FAM3D: variants seen among roughly 807,000 people sequenced by gnomAD.
The protein encoded by FAM3D is FAM3 metabolism regulating signaling molecule D, also known as protein FAM3D.
Under a neutral mutation model 29.8 loss-of-function variants are expected in FAM3D, and 26 were observed. The observed-to-expected ratio is 0.87, with a 90% confidence interval of 0.64 to 1.21. The LOEUF (loss-of-function observed/expected upper bound fraction) is 1.21. Ranked by LOEUF, FAM3D falls within the 50% of genes most tolerant of loss-of-function variation. The pLI is 0.00. For synonymous variants in FAM3D, 115 were observed against 102.3 expected, an observed-to-expected ratio of 1.12 and a Z score of -0.75; for missense variants, 253 against 290.9, an observed-to-expected ratio of 0.87 and a Z score of 0.95.
At chr3:58,662,608 T>TTC (rs1179163477) in intron 1 of FAM3D, among the ~76,000 whole-genome samples, 50 of 152,294 alleles carry the variant, frequency 3.3e-4, no homozygotes, top group Admixed American at 1.4e-3. Context: ...ATAAGTAGAA[T>TTC]GACTTATGTG....
At position 58,643,714 on chromosome 3, in the gene FAM3D, C is replaced by T; in HGVS notation, c.270G>A (p.Met90Ile). 1 of 1,613,970 alleles carries T rather than the reference C, an allele frequency of 6.2e-7. No individual in the cohort carries two copies. The highest frequency in any genetic ancestry group is 8.5e-7 in the Non-Finnish European group (1 of 1,180,000). The change falls in exon 6 of 10, where the codon ATG (methionine) becomes ATA (isoleucine). Residue 90 changes from methionine to isoleucine, a missense_variant. Transcript: ENST00000358781. ...PTMCFEDRMI[M>I]SPVKNNVGRG... ...TGCCCACATTGTTTTTCACAGGACT[C>T]ATGATCCTGAAGACAATGAAGAAGA...
chr3:58,637,273 T>C (rs772878525), intron 7 of FAM3D, 48 bp from the exon 8 acceptor site: 7 of 1,512,868 alleles, frequency 4.6e-6, no homozygotes, highest in Non-Finnish European at 6.3e-6. Flanking sequence ...AAATGAGCCC[T>C]GGTCATTCTC....
chr3:58,637,269 G>A (rs1223161535), intron 7 of FAM3D, 44 bp from the exon 8 acceptor site: 10 of 1,525,466 alleles, frequency 6.6e-6, no homozygotes, highest in Middle Eastern at 2.1e-4. Context: ...GGGGAAATGA[G>A]CCCTGGTCAT....
intron 1 of FAM3D, among the ~76,000 whole-genome samples, chr3:58,661,515 G>A (rs1024064586): frequency 6.6e-6 from 1 of 152,150 alleles, no homozygotes; most frequent in Non-Finnish European, 1.5e-5. Flanking sequence ...TCAGTACCTG[G>A]CACCCAGGTC....
chr3:58,640,288 T>G, intron 6 of FAM3D, 111 bp from the exon 7 acceptor site: 1 of 1,269,154 alleles, frequency 7.9e-7, no homozygotes, highest in Non-Finnish European at 1.1e-6. Flanking sequence ...AATAAGAATC[T>G]AATGAAATCA....
chr3:58,634,438 A>C lies in FAM3D; in HGVS notation c.586-70T>G. ...GTTCAGAACTCATGCCCACATGGAC[A>C]CTGTGCTCTAAACCTAAATGGGGGT... is the stretch of plus-strand genomic sequence containing the variant. On this transcript the variant is annotated intron_variant, in intron 9 of 9. Transcript: ENST00000358781. The surrounding 1 kb of genome is among the most constrained non-coding windows in gnomAD (Gnocchi z 4.6). 1.4e-6 allele frequency: 2 copies of C among 1,388,174 alleles called. No individual in the cohort carries two copies. Among genetic ancestry groups the C allele is most frequent in the Non-Finnish European group, 1.0e-6 (1 of 990,650 alleles). 86.0% of individuals were successfully genotyped at this position (1,388,174 alleles called of 1,614,324 possible). A position where few individuals can be genotyped will look rare whatever the true frequency, so the allele number is the denominator to read the frequency against.
At chr3:58,653,084 A>T (rs1488186932) in intron 3 of FAM3D, among the ~76,000 whole-genome samples, 1 of 152,218 alleles carries the variant, frequency 6.6e-6, no homozygotes, top group East Asian at 1.9e-4. Flanking sequence ...GGAAGCTCAC[A>T]TTCTAGGGTG....
rs369308544 is a variant in FAM3D at position 58,643,683 on chromosome 3, G to A, written c.301C>T (p.Leu101=). 1 of 1,613,808 alleles carries A rather than the reference G, an allele frequency of 6.2e-7. No individual in the cohort carries two copies. The highest frequency in any genetic ancestry group is 1.3e-5 in the African/African-American group (1 of 75,026). ...SPVKNNVGRG[L]NIALVNGTTG... ...TCACCATTCACCAGGGCGATGTTTA[G>A]GCCTCTGCCCACATTGTTTTTCACA... The change falls in exon 6 of 10, where the codon CTA becomes TTA. Residue 101 remains leucine (L), a synonymous_variant. Coordinates refer to ENST00000358781, the MANE Select transcript of FAM3D (RefSeq NM_138805.3).
rs756720045 is a variant in FAM3D at position 58,643,685 on chromosome 3, C to A, written c.299G>T (p.Gly100Val). ...ACCATTCACCAGGGCGATGTTTAGG[C>A]CTCTGCCCACATTGTTTTTCACAGG... ...MSPVKNNVGR[G>V]LNIALVNGTT... The change falls in exon 6 of 10, where the codon GGC becomes GTC. Residue 100 changes from glycine (G) to valine (V), a missense_variant. Physicochemically the swap from Gly to Val is moderately radical, Grantham distance 109 (BLOSUM62 -3). Coordinates refer to ENST00000358781, the MANE Select transcript of FAM3D (RefSeq NM_138805.3). 3.1e-6 allele frequency: 5 copies of A among 1,613,688 alleles called. No individual in the cohort carries two copies. The highest frequency in any genetic ancestry group is 4.2e-6 in the Non-Finnish European group (5 of 1,180,042).
intron 1 of FAM3D, among the ~76,000 whole-genome samples, chr3:58,658,979 G>A (rs910717462): frequency 7.2e-5 from 11 of 152,200 alleles, no homozygotes; most frequent in African/African-American, 2.7e-4. Flanking sequence ...ATCAGGCAGC[G>A]AAAACCTGTG....
At chr3:58,641,337 G>A (rs908973276) in intron 6 of FAM3D, among the ~76,000 whole-genome samples, 1 of 152,104 alleles carries the variant, frequency 6.6e-6, no homozygotes, top group African/African-American at 2.4e-5. Flanking sequence ...TGGTTTTATA[G>A]GCTGTGTGAC....
chr3:58,663,464 C>T (rs140940486), intron 1 of FAM3D, among the ~76,000 whole-genome samples: 35 of 152,272 alleles, frequency 2.3e-4, no homozygotes, highest in Non-Finnish European at 3.8e-4. Flanking sequence ...AATACCTGTC[C>T]TTTACTTGTT....
At chr3:58,655,458 A>G (rs903518849) in intron 2 of FAM3D, 93 bp downstream of exon 2, 8 of 1,535,904 alleles carry the variant, frequency 5.2e-6, no homozygotes, top group Admixed American at 1.8e-5. Context: ...GGGCCTGACC[A>G]TTTGAGAACA....
Position 58,645,538 on chromosome 3 carries a change from C to T in FAM3D, c.234G>A (p.Val78=). ...GGTCTTCAAAGCACATAGTAGGGCC[C>T]ACGACGTTGGCGGCCCCACTGCAGA... ...FKICSGAANV[V]GPTMCFEDRM... The change falls in exon 5 of 10, where the codon GTG becomes GTA. Residue 78 remains valine, a synonymous_variant. Coordinates refer to ENST00000358781, the MANE Select transcript of FAM3D (RefSeq NM_138805.3). 1 of 1,614,108 alleles carries T rather than the reference C, an allele frequency of 6.2e-7. No homozygotes were observed. Among genetic ancestry groups the T allele is most frequent in the Non-Finnish European group, 8.5e-7 (1 of 1,180,012 alleles).
At position 58,640,301 on chromosome 3, in the gene FAM3D, T is replaced by G. The variant is rs546276011; in HGVS notation, c.323-124A>C. On this transcript the variant is annotated intron_variant, in intron 6 of 9. Coordinates refer to ENST00000358781, the MANE Select transcript of FAM3D (RefSeq NM_138805.3). ...AGAATAAGAATCTAATGAAATCAGG[T>G]CCTATAAAGAGCACGCAGGACTAAA... 2.8e-4 allele frequency: 318 copies of G among 1,152,630 alleles called. 2 individuals carry two copies. The highest frequency in any genetic ancestry group is 3.9e-4 in the Non-Finnish European group (299 of 772,426). 71.4% of individuals were successfully genotyped at this position (1,152,630 alleles called of 1,614,324 possible).
chr3:58,654,754 G>T (rs2066741381), intron 2 of FAM3D, among the ~76,000 whole-genome samples: 1 of 151,174 alleles, frequency 6.6e-6, no homozygotes, highest in Admixed American at 6.6e-5. Flanking sequence ...GACTACTCAG[G>T]CTGGGGAGAA....
chr3:58,657,997 T>C (rs536054263), intron 1 of FAM3D, among the ~76,000 whole-genome samples: 1 of 151,958 alleles, frequency 6.6e-6, no homozygotes, highest in East Asian at 1.9e-4. Flanking sequence ...CGCTTAGGGG[T>C]GGTGTATGTG....
chr3:58,654,708 C>T (rs963209237), intron 2 of FAM3D, among the ~76,000 whole-genome samples: 7 of 151,988 alleles, frequency 4.6e-5, no homozygotes, highest in African/African-American at 2.4e-5. Context: ...TGCTCCCCAG[C>T]CCCGAATTCA....
chr3:58,656,481 G>C (rs139240962), intron 1 of FAM3D, among the ~76,000 whole-genome samples: 1 of 152,066 alleles, frequency 6.6e-6, no homozygotes, highest in Non-Finnish European at 1.5e-5. Context: ...TCAGTTCTGA[G>C]CAGGGCAGGG....
Sources: allele counts gnomAD v4.1 joint callset (sites outside exome capture counted in the v4.1 genomes callset), GRCh38; gene constraint gnomAD v4.1.1; non-coding constraint Gnocchi (gnomAD v3.1); transcripts MANE v1.5; gene names NCBI Gene and HGNC (gene_info 2026-07-23, HGNC 2026-07-21).